RNF180: variants seen among roughly 807,000 people sequenced by gnomAD.
RNF180 encodes ring finger protein 180, also known as E3 ubiquitin-protein ligase RNF180.
In RNF180, 38 loss-of-function variants were observed where a neutral mutation model predicts 59.2. The ratio of observed to expected loss-of-function variants is 0.64; its 90% confidence interval spans 0.50 to 0.84. RNF180 has a LOEUF of 0.84. Among genes scored for constraint, RNF180 ranks in the 40% least tolerant of loss-of-function variants. The pLI, the probability that RNF180 is intolerant of heterozygous loss-of-function variation, is 0.00. For synonymous variants in RNF180, 262 were observed against 240.3 expected (o/e 1.09, Z -0.84); for missense variants, 705 against 700.9 (o/e 1.01, Z -0.07).
chr5:64,227,484 C>T (rs1741840842), intron 5 of RNF180, among the ~76,000 whole-genome samples: 1 of 152,190 alleles, frequency 6.6e-6, no homozygotes, highest in South Asian at 2.1e-4. Context: ...GCCTCTTAGC[C>T]TCAGCTGGTT....
chr5:64,247,509 A>G (rs1484566118), intron 5 of RNF180, among the ~76,000 whole-genome samples: 10 of 152,214 alleles, frequency 6.6e-5, no homozygotes, highest in Admixed American at 5.9e-4. Context: ...CCCATTCACA[A>G]TTGCTTCAAA....
intron 5 of RNF180, among the ~76,000 whole-genome samples, chr5:64,287,614 C>T (rs939933689): frequency 6.6e-6 from 1 of 152,150 alleles, no homozygotes; most frequent in South Asian, 2.1e-4. Context: ...TTAATAATTG[C>T]CATTCTGACT....
At chr5:64,308,682 T>C (rs1004114434) in intron 5 of RNF180, among the ~76,000 whole-genome samples, 1 of 151,696 alleles carries the variant, frequency 6.6e-6, no homozygotes, top group African/African-American at 2.4e-5. Flanking sequence ...ACTCCCACCT[T>C]GCTCAGAGTA....
chr5:64,216,893 T>G lies in RNF180; in HGVS notation c.1192-468T>G, dbSNP rs985520187. 5.9e-5 allele frequency among the ~76,000 whole-genome samples: 9 copies of G among 152,262 alleles called. No individual in the cohort carries two copies. The East Asian group carries it at 1.2e-3, about 20-fold the overall frequency. The stretch of plus-strand genomic sequence containing the variant: ...TATTCTCTACATACAGCTTTATGAC[T>G]TACACACATGTAAAGGTTTATATAA... On this transcript the variant is annotated intron_variant, in intron 4 of 7. Coordinates refer to ENST00000389100, the MANE Select transcript of RNF180 (RefSeq NM_001113561.2).
intron 5 of RNF180, among the ~76,000 whole-genome samples, chr5:64,291,363 G>A (rs1276046259): frequency 6.8e-6 from 1 of 147,534 alleles, no homozygotes; most frequent in African/African-American, 2.5e-5. Context: ...GAATTGGAAT[G>A]TTGGCCTTCT....
At chr5:64,282,760 C>A (rs1269734976) in intron 5 of RNF180, among the ~76,000 whole-genome samples, 1 of 152,032 alleles carries the variant, frequency 6.6e-6, no homozygotes, top group Non-Finnish European at 1.5e-5. Context: ...TAAATAATTT[C>A]TTGATTTCTG....
intron 7 of RNF180, among the ~76,000 whole-genome samples, chr5:64,340,845 A>G (rs950859387): frequency 1.3e-5 from 2 of 152,094 alleles, no homozygotes; most frequent in Non-Finnish European, 2.9e-5. Flanking sequence ...CAAATTGTAC[A>G]TTTTGTTCAA....
intron 7 of RNF180, among the ~76,000 whole-genome samples, chr5:64,345,642 A>G (rs1432560757): frequency 6.6e-6 from 1 of 152,196 alleles, no homozygotes; most frequent in Non-Finnish European, 1.5e-5. Flanking sequence ...TTATCTTTAA[A>G]GGCTGGGCCA....
At chr5:64,211,341 G>T (rs1241581081) in intron 2 of RNF180, among the ~76,000 whole-genome samples, 1 of 152,238 alleles carries the variant, frequency 6.6e-6, no homozygotes, top group Non-Finnish European at 1.5e-5. Flanking sequence ...AAGCAGACCT[G>T]GGGATTAATG....
Position 64,218,739 on chromosome 5 carries a change from C to A in RNF180, c.1227+1343C>A, listed in dbSNP as rs538266839. ...TTCTTTTTAAGTCTTTGATTTCTTTCATCAGCATTTTGCAGTTTCCAGCAT... is the reference window on the plus strand; with the variant it reads ...TTCTTTTTAAGTCTTTGATTTCTTTAATCAGCATTTTGCAGTTTCCAGCAT... On this transcript the variant is annotated intron_variant, in intron 5 of 7. Transcript: ENST00000389100. 2.2e-4 allele frequency among the ~76,000 whole-genome samples: 33 copies of A among 152,212 alleles called. 1 individual carries two copies. In the South Asian group the frequency reaches 6.8e-3, roughly 32 times the overall value.
rs560651313 is a variant in RNF180, at chr5:64,325,200, G to T, written c.1242G>T (p.Glu414Asp). Residue 414 changes from glutamate to aspartate, a missense_variant, in exon 6 of 8, where the codon GAG (glutamate) becomes GAT (aspartate). Coordinates refer to ENST00000389100, the MANE Select transcript of RNF180 (RefSeq NM_001113561.2). ...ATGTTTTGCAGACTTTGAATAATGAGATGAGTACAGATGAAGACAATGAAT... is the reference window on the plus strand; with the variant it reads ...ATGTTTTGCAGACTTTGAATAATGATATGAGTACAGATGAAGACAATGAAT... ...GLLDHMTLNN[E>D]MSTDEDNEYA... 2.3e-4 allele frequency: 364 copies of T among 1,549,086 alleles called. No individual in the cohort carries two copies. Among genetic ancestry groups the T allele is most frequent in the Non-Finnish European group, 2.9e-4 (335 of 1,144,720 alleles).
intron 5 of RNF180, among the ~76,000 whole-genome samples, chr5:64,251,988 A>C (rs1180182819): frequency 6.6e-6 from 1 of 152,220 alleles, no homozygotes; most frequent in Non-Finnish European, 1.5e-5. Context: ...TTGGATTTTA[A>C]GTGTCCATGC....
intron 5 of RNF180, among the ~76,000 whole-genome samples, chr5:64,246,293 G>A (rs565750797): frequency 7.9e-5 from 12 of 152,012 alleles, no homozygotes; most frequent in Admixed American, 2.0e-4. Flanking sequence ...GAAGAGACAC[G>A]AAAAACCCTT....
intron 5 of RNF180, among the ~76,000 whole-genome samples, chr5:64,276,858 TTA>T (rs1260935731): frequency 6.6e-6 from 1 of 152,076 alleles, no homozygotes; most frequent in African/African-American, 2.4e-5. Context: ...TCGAAATGTC[TTA>T]TATTACCAAC....
chr5:64,285,474 C>A (rs1329033614), intron 5 of RNF180, among the ~76,000 whole-genome samples: 2 of 150,692 alleles, frequency 1.3e-5, no homozygotes, highest in Admixed American at 6.6e-5. Context: ...CAGGCAAGTG[C>A]ATGCCAGCAA....
intron 5 of RNF180, among the ~76,000 whole-genome samples, chr5:64,227,626 A>G (rs1476918050): frequency 2.0e-5 from 3 of 152,208 alleles, no homozygotes; most frequent in Non-Finnish European, 4.4e-5. Flanking sequence ...CTTGGTTCAC[A>G]TACTCTGCAA....
chr5:64,171,684 T>C (rs1749944476), intron 1 of RNF180, among the ~76,000 whole-genome samples: 1 of 152,236 alleles, frequency 6.6e-6, no homozygotes, highest in African/African-American at 2.4e-5. Flanking sequence ...AGTACCATTA[T>C]GGATAAGGGA....
intron 1 of RNF180, among the ~76,000 whole-genome samples, chr5:64,172,326 G>A (rs1354229838): frequency 6.6e-6 from 1 of 152,044 alleles, no homozygotes; most frequent in Non-Finnish European, 1.5e-5. Context: ...CAGGGGGCTG[G>A]GGGTTGTTGT....
At chr5:64,198,410 C>T (rs1327266344) in intron 1 of RNF180, among the ~76,000 whole-genome samples, 1 of 152,160 alleles carries the variant, frequency 6.6e-6, no homozygotes, top group African/African-American at 2.4e-5. Flanking sequence ...AGCTTTGGAA[C>T]AAGACCAAAA....
Sources: allele counts gnomAD v4.1 joint callset (sites outside exome capture counted in the v4.1 genomes callset), GRCh38; gene constraint gnomAD v4.1.1; transcripts MANE v1.5; gene names NCBI Gene and HGNC (gene_info 2026-07-23, HGNC 2026-07-21).